ABL1: variants seen among roughly 807,000 people sequenced by gnomAD.
ABL1 encodes tyrosine-protein kinase ABL1.
In ABL1, 11 loss-of-function variants were observed where a neutral mutation model predicts 94.7. The observed-to-expected ratio is 0.12, with a 90% CI of 0.07 to 0.19. ABL1 has a LOEUF of 0.19. Ranked by LOEUF, ABL1 falls within the 10% of genes least tolerant of loss-of-function variation. ABL1 has a pLI of 1.00. For missense variants in ABL1, 1,082 were observed against 1,489.4 expected (o/e 0.73, Z 4.50); for synonymous variants, 656 against 622.4 (o/e 1.05, Z -0.80).
chr9:130,738,985 C>T (rs899185592), intron 1 of ABL1, among the ~76,000 whole-genome samples: 9 of 152,164 alleles, frequency 5.9e-5, no homozygotes, highest in Admixed American at 2.0e-4. Context: ...CTCGTTCAAA[C>T]AATTCTCCTG....
intron 1 of ABL1, among the ~76,000 whole-genome samples, chr9:130,795,993 C>G (rs1484475728): frequency 6.7e-6 from 1 of 149,438 alleles, no homozygotes; most frequent in African/African-American, 2.5e-5. Context: ...GAGTTCGAGG[C>G]TAAAACCCTG....
intron 4 of ABL1, among the ~76,000 whole-genome samples, chr9:130,865,707 C>T (rs1831142908): frequency 7.0e-6 from 1 of 143,090 alleles, no homozygotes; most frequent in East Asian, 2.0e-4. Flanking sequence ...AATCGTGCCA[C>T]TGCACTCCTA....
rs577772829 is a variant in ABL1, at chr9:130,728,908, A to G, written c.136+14453A>G. The stretch of plus-strand genomic sequence containing the variant: ...CATTTTTGCATGTTAAATAATTTTG[A>G]TTGTATGCCAGACATGTGGGTGTTA... On this transcript the variant is annotated intron_variant, in intron 1 of 10. Coordinates refer to the ABL1 transcript ENST00000372348. Among the ~76,000 whole-genome samples the G allele has an allele frequency of 2.6e-5, 4 of 152,172 alleles. No homozygotes were observed. In the East Asian group the frequency reaches 7.7e-4, roughly 29 times the overall value.
At chr9:130,772,485 C>T (rs551348745) in intron 1 of ABL1, among the ~76,000 whole-genome samples, 1 of 152,116 alleles carries the variant, frequency 6.6e-6, no homozygotes, top group Non-Finnish European at 1.5e-5. Flanking sequence ...TAGTAATAGA[C>T]ATGTGAAGAA....
At position 130,818,981 on chromosome 9, in the gene ABL1, C is replaced by T. The variant is rs972727450; in HGVS notation, c.137-35083C>T. Among the ~76,000 whole-genome samples, 13 of 152,164 alleles carry T rather than the reference C, an allele frequency of 8.5e-5. 1 individual carries two copies. The highest frequency in any genetic ancestry group is 8.5e-4 in the Admixed American group (13 of 15,268). The stretch of plus-strand genomic sequence containing the variant: ...TATGTTTATTATTGAGTTTTTCTGG[C>T]CTTTGCAGTTCTTTCAGTGTCTGAT... On this transcript the variant is annotated intron_variant, in intron 1 of 10. Transcript: ENST00000372348.
chr9:130,820,641 C>T (rs1830347818), intron 1 of ABL1, among the ~76,000 whole-genome samples: 1 of 152,200 alleles, frequency 6.6e-6, no homozygotes, highest in Non-Finnish European at 1.5e-5. Flanking sequence ...TTAGAAGCAT[C>T]AGTAAATAAG....
In ABL1 at chr9:130,835,404, G is replaced by A. The variant is rs760366614; in HGVS notation, c.-43G>A. 72 of 1,413,706 alleles carry A rather than the reference G, an allele frequency of 5.1e-5. No individual in the cohort carries two copies. The highest frequency in any genetic ancestry group is 6.5e-5 in the Non-Finnish European group (69 of 1,058,846). 87.6% of individuals were successfully genotyped at this position (1,413,706 alleles called of 1,614,324 possible). A position where few individuals can be genotyped will look rare whatever the true frequency, so the allele number is the denominator to read the frequency against. ...GGCCTGAGCCGGGCCCGCGGACCGA[G>A]CTGGGAGAGGGGTTCCGGCCCCCGA... is the stretch of plus-strand genomic sequence containing the variant. On this transcript the variant is annotated 5_prime_UTR_variant, in exon 1 of 11. Coordinates refer to ENST00000318560, the MANE Select transcript of ABL1 (RefSeq NM_005157.6). This position sits in a 1 kb window ranked among gnomAD's most constrained non-coding sequence, Gnocchi z 4.6.
rs1176887698 is a variant in ABL1, at chr9:130,863,922, G to A, written c.822+887G>A. The stretch of plus-strand genomic sequence containing the variant: ...AAAAGAACTGAAACATCCACCTCTG[G>A]GAAAAATAGAGTTTAGTTTGTGCAT... On this transcript the variant is annotated intron_variant, in intron 4 of 10. Coordinates refer to ENST00000318560, the MANE Select transcript of ABL1 (RefSeq NM_005157.6). The surrounding 1 kb of genome is among the most constrained non-coding windows in gnomAD (Gnocchi z 4.3). Among the ~76,000 whole-genome samples, 3 of 152,114 alleles carry A rather than the reference G, an allele frequency of 2.0e-5. No homozygotes were observed. Among genetic ancestry groups the A allele is most frequent in the Admixed American group, 6.5e-5 (1 of 15,270 alleles).
At chr9:130,802,798 A>G (rs1190176158) in intron 1 of ABL1, among the ~76,000 whole-genome samples, 1 of 152,146 alleles carries the variant, frequency 6.6e-6, no homozygotes, top group Non-Finnish European at 1.5e-5. Context: ...TGAATGTCAA[A>G]TTCTGGATAT....
At chr9:130,857,625 CT>C (rs1234000154) in intron 3 of ABL1, among the ~76,000 whole-genome samples, 1 of 147,982 alleles carries the variant, frequency 6.8e-6, no homozygotes, top group Non-Finnish European at 1.5e-5. Flanking sequence ...CCCCACTTAC[CT>C]TTTTAACTTT....
chr9:130,842,458 G>A (rs780921568), intron 1 of ABL1, among the ~76,000 whole-genome samples: 6 of 152,224 alleles, frequency 3.9e-5, no homozygotes, highest in African/African-American at 9.6e-5. Context: ...AGCTAATAGC[G>A]TTGTTCATTG....
chr9:130,831,951 T>C (rs1162669256), upstream of ABL1, among the ~76,000 whole-genome samples: 1 of 152,130 alleles, frequency 6.6e-6, no homozygotes, highest in African/African-American at 2.4e-5. Context: ...ACAGATCATC[T>C]GGGAGCTTCA....
intron 1 of ABL1, among the ~76,000 whole-genome samples, chr9:130,804,637 C>T (rs991228120): frequency 6.6e-6 from 1 of 152,094 alleles, no homozygotes; most frequent in African/African-American, 2.4e-5. Flanking sequence ...TCTTTTATTA[C>T]AATTTCTTTC....
At chr9:130,783,709 G>T (rs1258244642) in intron 1 of ABL1, among the ~76,000 whole-genome samples, 3 of 152,088 alleles carry the variant, frequency 2.0e-5, no homozygotes, top group Admixed American at 2.0e-4. Flanking sequence ...AGGCTGGAGT[G>T]CAGTGGCGCA....
chr9:130,837,051 T>C (rs1830600475), intron 1 of ABL1, among the ~76,000 whole-genome samples: 1 of 152,190 alleles, frequency 6.6e-6, no homozygotes. Context: ...TGAAACCTGT[T>C]TGCCCTTCTT....
intron 4 of ABL1, among the ~76,000 whole-genome samples, chr9:130,868,644 C>T (rs62580064): frequency 0.015 from 2,306 of 151,084 alleles, 23 homozygotes; most frequent in Middle Eastern, 0.038. Context: ...CCTCAGCCTC[C>T]TGAGTAGCTG....
chr9:130,728,762 C>T (rs1201413329), intron 1 of ABL1, among the ~76,000 whole-genome samples: 2 of 151,374 alleles, frequency 1.3e-5, no homozygotes, highest in African/African-American at 2.4e-5. Context: ...CCTGTCTTTT[C>T]CTCTAAATCC....
At position 130,872,918 on chromosome 9, in the gene ABL1, C is replaced by A. The variant is rs560587976; in HGVS notation, c.966C>A (p.Asn322Lys). 1 of 1,614,202 alleles carries A rather than the reference C, an allele frequency of 6.2e-7. No homozygotes were observed. Among genetic ancestry groups the A allele is most frequent in the African/African-American group, 1.3e-5 (1 of 75,048 alleles). ...YIITEFMTYG[N>K]LLDYLRECNR... is the part of the protein sequence containing the mutation. ...TCACTGAGTTCATGACCTACGGGAA[C>A]CTCCTGGACTACCTGAGGGAGTGCA... The change falls in exon 6 of 11, where the codon AAC becomes AAA. Residue 322 changes from asparagine to lysine, a missense_variant. Transcript: ENST00000318560. The surrounding 1 kb of genome is among the most constrained non-coding windows in gnomAD (Gnocchi z 5.0).
rs978640318 is a variant in ABL1, at chr9:130,862,089, T to C, written c.550-674T>C. ...TTGGATGTGTTTAGTGGTTTTCATC[T>C]TCTGGTCACTATTTCATTCTAGGTT... On this transcript the variant is annotated intron_variant, in intron 3 of 10. Transcript: ENST00000318560. This position sits in a 1 kb window ranked among gnomAD's most constrained non-coding sequence, Gnocchi z 5.5. Among the ~76,000 whole-genome samples, 1 of 152,272 alleles carries C rather than the reference T, an allele frequency of 6.6e-6. No individual in the cohort carries two copies. The highest frequency in any genetic ancestry group is 1.5e-5 in the Non-Finnish European group (1 of 68,050).
Sources: allele counts gnomAD v4.1 joint callset (sites outside exome capture counted in the v4.1 genomes callset), GRCh38; gene constraint gnomAD v4.1.1; non-coding constraint Gnocchi (gnomAD v3.1); transcripts MANE v1.5; gene names NCBI Gene and HGNC (gene_info 2026-07-23, HGNC 2026-07-21).